The following AKAP6 variants were observed in gnomAD, a reference collection of about 807,000 sequenced individuals.
AKAP6 encodes A-kinase anchoring protein 6.
AKAP6 carries 58 observed loss-of-function variants against 188.5 expected under a neutral mutation model. The ratio of observed to expected loss-of-function variants is 0.31; its 90% confidence interval spans 0.25 to 0.38. The LOEUF is 0.38. Among genes scored for constraint, AKAP6 ranks in the 10% least tolerant of loss-of-function variants. The pLI is 1.00. For missense variants in AKAP6, 2,710 were observed against 2,740.0 expected (o/e 0.99, Z 0.24); for synonymous variants, 989 against 998.6 (o/e 0.99, Z 0.18).
intron 1 of AKAP6, among the ~76,000 whole-genome samples, chr14:32,405,553 C>T (rs1889261067): frequency 6.6e-6 from 1 of 152,102 alleles, no homozygotes; most frequent in Non-Finnish European, 1.5e-5. Context: ...GCAGTTCATT[C>T]TCTGTTTCAT....
chr14:32,659,925 A>G (rs1888614543), intron 7 of AKAP6, among the ~76,000 whole-genome samples: 1 of 152,084 alleles, frequency 6.6e-6, no homozygotes, highest in African/African-American at 2.4e-5. Context: ...TTCCATGTAT[A>G]AGGTGTAACC....
chr14:32,696,231 T>C, intron 9 of AKAP6, 121 bp downstream of exon 9: 1 of 1,279,770 alleles, frequency 7.8e-7, no homozygotes, highest in East Asian at 2.9e-5. Context: ...CTATTAGAAT[T>C]CCCTTCCCTG....
intron 2 of AKAP6, among the ~76,000 whole-genome samples, chr14:32,476,332 C>T (rs1294207261): frequency 6.6e-6 from 1 of 152,128 alleles, no homozygotes. Flanking sequence ...TATATAGAAG[C>T]ACTTCCTTAC....
chr14:32,379,810 G>A (rs1043339134), intron 1 of AKAP6, among the ~76,000 whole-genome samples: 7 of 152,018 alleles, frequency 4.6e-5, no homozygotes, highest in African/African-American at 1.7e-4. Context: ...CTTCCATCTA[G>A]CCTGATAATC....
At chr14:32,357,403 G>A (rs1887518613) in intron 1 of AKAP6, among the ~76,000 whole-genome samples, 1 of 152,162 alleles carries the variant, frequency 6.6e-6, no homozygotes, top group African/African-American at 2.4e-5. Context: ...TCTGTTTTAA[G>A]GTTATTGTTT....
chr14:32,541,418 TA>T (rs1242926571), intron 3 of AKAP6, among the ~76,000 whole-genome samples: 1 of 152,050 alleles, frequency 6.6e-6, no homozygotes, highest in Non-Finnish European at 1.5e-5. Context: ...ACCCTGGTCT[TA>T]AGGTGCAATA....
chr14:32,669,757 C>G (rs1445365428), intron 7 of AKAP6, among the ~76,000 whole-genome samples: 3 of 152,104 alleles, frequency 2.0e-5, no homozygotes, highest in Non-Finnish European at 4.4e-5. Flanking sequence ...GGAAAGTAAA[C>G]ACATCCTTCT....
rs550344943 is a variant in AKAP6, at chr14:32,489,846, G to A, written c.325-45708G>A. 2.6e-5 allele frequency among the ~76,000 whole-genome samples: 4 copies of A among 152,312 alleles called. No individual in the cohort carries two copies. In the East Asian group the frequency reaches 5.8e-4, roughly 22 times the overall value. ...ATATTCTTTTGTGTCTCACGTGTCC[G>A]TGTGAAGAGACCACCAAACAGGCTT... On this transcript the variant is annotated intron_variant, in intron 2 of 13. Coordinates refer to ENST00000280979, the MANE Select transcript of AKAP6 (RefSeq NM_004274.5).
intron 2 of AKAP6, among the ~76,000 whole-genome samples, chr14:32,495,559 C>G (rs575592074): frequency 6.6e-6 from 1 of 152,266 alleles, no homozygotes; most frequent in East Asian, 1.9e-4. Context: ...AGACAGTATG[C>G]CAAATGAACG....
At chr14:32,539,050 A>C (rs1384302593) in intron 3 of AKAP6, among the ~76,000 whole-genome samples, 2 of 152,138 alleles carry the variant, frequency 1.3e-5, no homozygotes, top group Non-Finnish European at 2.9e-5. Flanking sequence ...CTATGCATTC[A>C]AAGGTGAATA....
rs929825744 is a variant in AKAP6, at chr14:32,385,077, A to T, written c.-34-48383A>T. On this transcript the variant is annotated intron_variant, in intron 1 of 13. Transcript: ENST00000280979. ...CTACTTTTTTGGTGCTTCACCTGTC[A>T]TGATGCTGTCGCTGGTCTTGCTTGG... 2.6e-5 allele frequency: 4 copies of T among 151,802 alleles called. No homozygotes were observed. In the South Asian group the frequency reaches 8.3e-4, roughly 32 times the overall value. 9.4% of individuals were successfully genotyped at this position (151,802 alleles called of 1,614,324 possible).
chr14:32,484,637 T>C lies in AKAP6; in HGVS notation c.324+50820T>C. 2.8e-5 allele frequency: 6 copies of C among 211,300 alleles called. 2 individuals are homozygous for C. Among genetic ancestry groups the C allele is most frequent in the Non-Finnish European group, 4.1e-5 (6 of 145,102 alleles). 13.1% of individuals were successfully genotyped at this position (211,300 alleles called of 1,614,324 possible). ...AAATGCATGGGCTGTGACGATGACA[T>C]TGTAGATGTGGTCGTTACCTAGAAG... On this transcript the variant is annotated intron_variant, in intron 2 of 13. Transcript: ENST00000280979.
intron 11 of AKAP6, among the ~76,000 whole-genome samples, chr14:32,765,906 G>A (rs939838755): frequency 6.6e-6 from 1 of 151,994 alleles, no homozygotes; most frequent in South Asian, 2.1e-4. Flanking sequence ...CTTACCAAGA[G>A]GTTTTCTTAA....
intron 2 of AKAP6, among the ~76,000 whole-genome samples, chr14:32,522,254 A>T (rs967051385): frequency 5.3e-5 from 8 of 152,336 alleles, no homozygotes; most frequent in East Asian, 3.8e-4. Context: ...AACCTAGGCA[A>T]TACCATTCAG....
intron 2 of AKAP6, among the ~76,000 whole-genome samples, chr14:32,469,477 T>G (rs1878647731): frequency 6.6e-6 from 1 of 152,226 alleles, no homozygotes; most frequent in Admixed American, 6.5e-5. Context: ...CAATAATCTG[T>G]ATAATAAAGT....
At chr14:32,642,961 T>C (rs1256845358) in intron 7 of AKAP6, among the ~76,000 whole-genome samples, 1 of 152,174 alleles carries the variant, frequency 6.6e-6, no homozygotes, top group Admixed American at 6.5e-5. Context: ...GAGTTTCACA[T>C]AGTATTAGAA....
At chr14:32,391,465 G>A (rs1054426516) in intron 1 of AKAP6, among the ~76,000 whole-genome samples, 4 of 152,242 alleles carry the variant, frequency 2.6e-5, no homozygotes, top group Non-Finnish European at 5.9e-5. Flanking sequence ...AAACAAATAT[G>A]TGAAAATCCA....
chr14:32,613,147 G>T (rs537953361), intron 7 of AKAP6, among the ~76,000 whole-genome samples: 1 of 152,276 alleles, frequency 6.6e-6, no homozygotes, highest in South Asian at 2.1e-4. Context: ...GACCTGGGTC[G>T]CTTTTCTGGA....
At chr14:32,806,431 C>G (rs1187680073) in intron 12 of AKAP6, among the ~76,000 whole-genome samples, 4 of 152,174 alleles carry the variant, frequency 2.6e-5, no homozygotes, top group Admixed American at 2.6e-4. Flanking sequence ...AATTCCAACA[C>G]TTTGGGAGAC....
Sources: gnomAD v4.1 joint callset for allele counts (sites outside exome capture counted in the v4.1 genomes callset) on GRCh38, gnomAD v4.1.1 for gene constraint, MANE v1.5 for transcripts, NCBI Gene and HGNC (gene_info 2026-07-23, HGNC 2026-07-21) for gene names.